Variants in MYO10 observed in about 807,000 individuals in gnomAD.
MYO10 encodes the protein unconventional myosin-X.
Under a neutral mutation model 257.3 loss-of-function variants are expected in MYO10, and 133 were observed. The ratio of observed to expected loss-of-function variants is 0.52; its 90% CI spans 0.45 to 0.60. The LOEUF is 0.60. MYO10 is among the 20% of genes least tolerant of loss of function. The pLI is 0.00. For synonymous variants in MYO10, 1,104 were observed against 1,028.6 expected (o/e 1.07, Z -1.40); for missense variants, 2,399 against 2,635.7 (o/e 0.91, Z 1.97).
At chr5:16,890,246 G>A (rs1745012947) in intron 1 of MYO10, among the ~76,000 whole-genome samples, 1 of 151,826 alleles carries the variant, frequency 6.6e-6, no homozygotes, top group African/African-American at 2.4e-5. Context: ...GTGTTGGCAA[G>A]AATGTGGAGA....
intron 4 of MYO10, among the ~76,000 whole-genome samples, chr5:16,785,325 A>G (rs1741546540): frequency 6.6e-6 from 1 of 152,226 alleles, no homozygotes; most frequent in South Asian, 2.1e-4. Flanking sequence ...GCATTCAACA[A>G]CAGTGCACAG....
intron 4 of MYO10, among the ~76,000 whole-genome samples, chr5:16,785,173 G>A (rs1741538725): frequency 6.6e-6 from 1 of 152,228 alleles, no homozygotes; most frequent in South Asian, 2.1e-4. Context: ...GCCTCATGTA[G>A]TCTGAAATAG....
intron 2 of MYO10, among the ~76,000 whole-genome samples, chr5:16,824,215 T>A (rs972832424): frequency 2.6e-5 from 4 of 152,220 alleles, no homozygotes; most frequent in Admixed American, 2.0e-4. Context: ...AATCGCTAGA[T>A]GACATACAGA....
chr5:16,901,291 C>CAGGTCAGTCAGCAG (rs1745372264), intron 1 of MYO10, among the ~76,000 whole-genome samples: 1 of 152,112 alleles, frequency 6.6e-6, no homozygotes, highest in Non-Finnish European at 1.5e-5. Flanking sequence ...GCCCCTCCTC[C>CAGGTCAGTCAGCAG]GTCAGTCAGC....
At chr5:16,907,754 A>C (rs1265808061) in intron 1 of MYO10, among the ~76,000 whole-genome samples, 1 of 152,268 alleles carries the variant, frequency 6.6e-6, no homozygotes, top group Non-Finnish European at 1.5e-5. Flanking sequence ...CATAGAAAAC[A>C]TAAGAAATCT....
Position 16,702,963 on chromosome 5 carries a change from C to T in MYO10, c.2472G>A (p.Gln824=). 6.4e-7 allele frequency: 1 copy of T among 1,551,932 alleles called. No individual in the cohort carries two copies. The highest frequency in any genetic ancestry group is 8.7e-7 in the Non-Finnish European group (1 of 1,147,060). ...CCCGTTTCTTCTTTTCTTCCTCTTC[C>T]TGTTTCTTCTTTTCTTCTTGCTCCC... ...EKREQEEKKK[Q]EEEEKKKREE... Residue 824 remains glutamine (Q), a synonymous_variant, in exon 23 of 41, where the codon CAG becomes CAA. Transcript: ENST00000513610.
At position 16,742,063 on chromosome 5, in the gene MYO10, T is replaced by C. The variant is rs1254455646; in HGVS notation, c.1929+12765A>G. On this transcript the variant is annotated intron_variant, in intron 19 of 40. Coordinates refer to ENST00000513610, the MANE Select transcript of MYO10 (RefSeq NM_012334.3). Reference sequence around the variant, plus strand: ...TTTGACTGCAGGGGCAAACTAACCATCATGCACGCATCAACAAATGTGTAA... The same window carrying C: ...TTTGACTGCAGGGGCAAACTAACCACCATGCACGCATCAACAAATGTGTAA... 21 of 985,248 alleles carry C rather than the reference T, an allele frequency of 2.1e-5. 1 individual carries two copies. Among genetic ancestry groups the C allele is most frequent in the Non-Finnish European group, 2.5e-5 (21 of 829,926 alleles). 61.0% of individuals were successfully genotyped at this position (985,248 alleles called of 1,614,324 possible). A position where few individuals can be genotyped will look rare whatever the true frequency, so the allele number is the denominator to read the frequency against.
chr5:16,702,675 G>A, intron 23 of MYO10, 87 bp from the exon 24 acceptor site: 1 of 1,296,292 alleles, frequency 7.7e-7, no homozygotes, highest in Non-Finnish European at 1.1e-6. Flanking sequence ...AAACAGCTTT[G>A]CCAAAGACAG....
chr5:16,821,385 T>TA (rs1343124048), intron 2 of MYO10, among the ~76,000 whole-genome samples: 1 of 147,926 alleles, frequency 6.8e-6, no homozygotes, highest in Non-Finnish European at 1.5e-5. Context: ...AATAGGGCTA[T>TA]AACCTGTAAA....
At chr5:16,918,495 CTTTTCTTTTTT>C (rs759504097) in intron 1 of MYO10, among the ~76,000 whole-genome samples, 7,767 of 87,240 alleles carry the variant, frequency 0.089, 207 homozygotes, top group Admixed American at 0.098. Context: ...AACTATTTTT[CTTTTCTTTTTT>C]TTTTTTTTTT....
At chr5:16,670,470 C>A (rs889808447) in intron 39 of MYO10, 56 bp downstream of exon 39, 1 of 1,459,352 alleles carries the variant, frequency 6.9e-7, no homozygotes, top group South Asian at 1.3e-5. Flanking sequence ...GGCCGTGATC[C>A]ATGTTCTCAG....
At chr5:16,699,618 A>G in intron 25 of MYO10, 45 bp from the exon 26 acceptor site, 1 of 1,610,642 alleles carries the variant, frequency 6.2e-7, no homozygotes, top group Non-Finnish European at 8.5e-7. Context: ...AAGGCCACAA[A>G]GCAAGCCACG....
At chr5:16,836,604 C>T (rs552477672) in intron 2 of MYO10, among the ~76,000 whole-genome samples, 20 of 152,306 alleles carry the variant, frequency 1.3e-4, no homozygotes, top group Middle Eastern at 3.4e-3. Context: ...CTGGGAAAAG[C>T]TGTATCTCAT....
intron 31 of MYO10, 88 bp downstream of exon 31, chr5:16,681,783 A>G: frequency 7.0e-7 from 1 of 1,435,478 alleles, no homozygotes. Flanking sequence ...TGGGAAAAGC[A>G]GCTCGAAATG....
intron 1 of MYO10, among the ~76,000 whole-genome samples, chr5:16,912,878 C>G (rs1745705699): frequency 6.7e-6 from 1 of 150,032 alleles, no homozygotes. Context: ...GAATTTCAGC[C>G]TCCAGCAAGT....
intron 2 of MYO10, among the ~76,000 whole-genome samples, chr5:16,854,775 T>C (rs1044135902): frequency 6.6e-6 from 1 of 152,166 alleles, no homozygotes; most frequent in Non-Finnish European, 1.5e-5. Context: ...CTCACATCTG[T>C]AATCCCAGCA....
chr5:16,930,579 TG>T (rs1384079004), intron 1 of MYO10, among the ~76,000 whole-genome samples: 1 of 152,238 alleles, frequency 6.6e-6, no homozygotes, highest in African/African-American at 2.4e-5. Flanking sequence ...CCAGGAGTAC[TG>T]ACATTCCATT....
intron 9 of MYO10, among the ~76,000 whole-genome samples, chr5:16,770,026 C>G (rs931698039): frequency 2.6e-5 from 4 of 151,970 alleles, no homozygotes; most frequent in African/African-American, 9.7e-5. Context: ...GCTTGGCCTT[C>G]CAAAGTGCTG....
At chr5:16,816,066 G>A (rs564297432) in intron 3 of MYO10, among the ~76,000 whole-genome samples, 4 of 151,684 alleles carry the variant, frequency 2.6e-5, no homozygotes, top group Non-Finnish European at 5.9e-5. Flanking sequence ...AAAAGGGCGG[G>A]GCACAGTGGC....
Sources: allele counts gnomAD v4.1 joint callset (sites outside exome capture counted in the v4.1 genomes callset), GRCh38; gene constraint gnomAD v4.1.1; transcripts MANE v1.5; gene names NCBI Gene and HGNC (gene_info 2026-07-23, HGNC 2026-07-21).